The following TRERF1 variants were observed in gnomAD, a reference collection of about 807,000 sequenced individuals.
TRERF1 encodes the protein transcriptional-regulating factor 1.
TRERF1 carries 27 observed loss-of-function variants against 122.9 expected under a neutral mutation model. That is an observed-to-expected ratio of 0.22 (90% CI 0.16 to 0.30). The LOEUF (loss-of-function observed/expected upper bound fraction) is 0.30. TRERF1 is among the 10% of genes least tolerant of loss of function. TRERF1 has a pLI of 1.00. For synonymous variants in TRERF1, 636 were observed against 641.7 expected, an observed-to-expected ratio of 0.99 and a Z score of 0.13; for missense variants, 1,248 against 1,560.3, an observed-to-expected ratio of 0.80 and a Z score of 3.37.
intron 2 of TRERF1, among the ~76,000 whole-genome samples, chr6:42,442,075 G>A (rs559644625): frequency 1.3e-5 from 2 of 152,172 alleles, no homozygotes; most frequent in South Asian, 2.1e-4. Context: ...CCCTCAGCTC[G>A]CATGTATTCA....
chr6:42,365,619 T>C (rs1772581930), intron 2 of TRERF1, among the ~76,000 whole-genome samples: 2 of 152,144 alleles, frequency 1.3e-5, no homozygotes, highest in Admixed American at 6.5e-5. Context: ...TTAGCCTCTA[T>C]CTATAGATGA....
chr6:42,331,527 C>A (rs577164105), intron 3 of TRERF1, among the ~76,000 whole-genome samples: 1 of 152,340 alleles, frequency 6.6e-6, no homozygotes, highest in South Asian at 2.1e-4. Flanking sequence ...CAAGTACCAG[C>A]CCGTTCCCTG....
intron 2 of TRERF1, among the ~76,000 whole-genome samples, chr6:42,435,886 A>G (rs894947675): frequency 1.3e-5 from 2 of 151,976 alleles, no homozygotes; most frequent in Admixed American, 6.6e-5. Context: ...AGGCTGAGGC[A>G]GGAGAATCAT....
intron 2 of TRERF1, among the ~76,000 whole-genome samples, chr6:42,420,747 G>A (rs1004721811): frequency 1.3e-5 from 2 of 152,166 alleles, no homozygotes; most frequent in African/African-American, 2.4e-5. Context: ...CCCAGGAGTT[G>A]GGATTGACTT....
intron 13 of TRERF1, among the ~76,000 whole-genome samples, chr6:42,249,162 G>A (rs1252614105): frequency 6.6e-6 from 1 of 152,164 alleles, no homozygotes; most frequent in Admixed American, 6.5e-5. Flanking sequence ...GTGGCCCTCA[G>A]CTGCATCTCC....
In TRERF1 at chr6:42,259,715, G is replaced by A. The variant is rs1204491329; in HGVS notation, c.1893C>T (p.Pro631=). ...TGGGCACACTCGGCTGATGCTTCCT[G>A]GGGATTTCCTAAAACCGGAACAACG... The change falls in exon 9 of 18, where the codon CCC becomes CCT. Residue 631 remains proline, a synonymous_variant. Transcript: ENST00000372922. This position sits in a 1 kb window ranked among gnomAD's most constrained non-coding sequence, Gnocchi z 4.9. 1 of 1,602,302 alleles carries A rather than the reference G, an allele frequency of 6.2e-7. No homozygotes were observed.
At chr6:42,321,570 G>A (rs1477946288) in intron 3 of TRERF1, among the ~76,000 whole-genome samples, 7 of 152,198 alleles carry the variant, frequency 4.6e-5, no homozygotes, top group Non-Finnish European at 8.8e-5. Context: ...TGCCTTCAGC[G>A]TCATGCAAGT....
chr6:42,320,098 A>G (rs1384503507), intron 3 of TRERF1, among the ~76,000 whole-genome samples: 1 of 151,910 alleles, frequency 6.6e-6, no homozygotes, highest in African/African-American at 2.4e-5. Flanking sequence ...ATGGGGTTTC[A>G]CCATGTTGGC....
chr6:42,420,299 A>T (rs1189170638), intron 2 of TRERF1, among the ~76,000 whole-genome samples: 1 of 152,140 alleles, frequency 6.6e-6, no homozygotes, highest in Admixed American at 6.5e-5. Context: ...GGCCCCCTAA[A>T]CTATGGCCCC....
At chr6:42,379,333 GGAGTCTCCACCA>G (rs1242870445) in intron 2 of TRERF1, among the ~76,000 whole-genome samples, 1 of 151,982 alleles carries the variant, frequency 6.6e-6, no homozygotes, top group Admixed American at 6.6e-5. Context: ...GGAAAGCAAT[GGAGTCTCCACCA>G]CCCCAGCCCA....
chr6:42,343,887 A>T (rs62416690), intron 3 of TRERF1, among the ~76,000 whole-genome samples: 1,802 of 152,288 alleles, frequency 0.012, 13 homozygotes, highest in Non-Finnish European at 0.019. Flanking sequence ...GGGTAGGGGG[A>T]GGAAGACGGA....
At chr6:42,246,420 T>G in intron 14 of TRERF1, 36 bp downstream of exon 14, 3 of 1,455,932 alleles carry the variant, frequency 2.1e-6, no homozygotes, top group Non-Finnish European at 2.8e-6. Context: ...TTCCCAAATT[T>G]AATTTCAAGG....
Position 42,269,892 on chromosome 6 carries a change from G to T in TRERF1, c.-258-44C>A. On this transcript the variant is annotated intron_variant, in intron 4 of 17. Transcript: ENST00000372922. This position sits in a 1 kb window ranked among gnomAD's most constrained non-coding sequence, Gnocchi z 4.9. ...AAGACAGGAAAGGATTTATTTGGAT[G>T]TTTTGTGATGAGCAATTGATATCCA... 2.4e-6 allele frequency: 1 copy of T among 423,378 alleles called. No homozygotes were observed. The highest frequency in any genetic ancestry group is 2.0e-5 in the African/African-American group (1 of 49,796). 26.2% of individuals were successfully genotyped at this position (423,378 alleles called of 1,614,324 possible). A position where few individuals can be genotyped will look rare whatever the true frequency, so the allele number is the denominator to read the frequency against.
At chr6:42,442,887 G>A (rs911320860) in intron 2 of TRERF1, among the ~76,000 whole-genome samples, 1 of 152,202 alleles carries the variant, frequency 6.6e-6, no homozygotes, top group Non-Finnish European at 1.5e-5. Flanking sequence ...GATGCTGGCT[G>A]AACAGGTGAC....
intron 2 of TRERF1, among the ~76,000 whole-genome samples, chr6:42,417,148 C>T (rs1299299130): frequency 5.3e-5 from 8 of 152,248 alleles, no homozygotes; most frequent in Admixed American, 2.0e-4. Context: ...CAGAAACATA[C>T]TCCAAAGCAA....
At chr6:42,251,605 C>T (rs370892027) in intron 13 of TRERF1, among the ~76,000 whole-genome samples, 4 of 152,156 alleles carry the variant, frequency 2.6e-5, no homozygotes, top group African/African-American at 9.6e-5. Context: ...CTTGAGGGGA[C>T]CACTGTCTAG....
chr6:42,400,941 G>A (rs921948813), intron 2 of TRERF1, among the ~76,000 whole-genome samples: 3 of 152,190 alleles, frequency 2.0e-5, no homozygotes, highest in African/African-American at 7.2e-5. Context: ...GTCCCAACTG[G>A]GGCCTTGGAA....
intron 2 of TRERF1, among the ~76,000 whole-genome samples, chr6:42,396,880 A>G (rs779495643): frequency 6.6e-6 from 1 of 152,118 alleles, no homozygotes; most frequent in Non-Finnish European, 1.5e-5. Context: ...TCAGTCCCCT[A>G]CCCTATCTAG....
rs1777391934 is a variant in TRERF1, at chr6:42,259,420, A to T, written c.2188T>A (p.Ser730Thr). 3.2e-6 allele frequency: 5 copies of T among 1,569,006 alleles called. No homozygotes were observed. Among genetic ancestry groups the T allele is most frequent in the Non-Finnish European group, 4.3e-6 (5 of 1,164,496 alleles). The change falls in exon 9 of 18, where the codon TCC becomes ACC. Residue 730 changes from serine (S) to threonine (T), a missense_variant. Ser to Thr is a moderately conservative substitution (Grantham distance 58). Transcript: ENST00000372922. The surrounding 1 kb of genome is among the most constrained non-coding windows in gnomAD (Gnocchi z 4.9). ...GGGTGGGCGCCAGGGCCGTGGCCGG[A>T]GATGAGGACATTGCTGAAGAGCCCC...
Sources: gnomAD v4.1 joint callset for allele counts (sites outside exome capture counted in the v4.1 genomes callset) on GRCh38, gnomAD v4.1.1 for gene constraint, Gnocchi (gnomAD v3.1) non-coding constraint, MANE v1.5 for transcripts, NCBI Gene and HGNC (gene_info 2026-07-23, HGNC 2026-07-21) for gene names.